Variants in GLRA2 observed in about 807,000 individuals in gnomAD.
The protein encoded by GLRA2 is glycine receptor alpha 2, also known as glycine receptor subunit alpha-2.
In GLRA2, 11 loss-of-function variants were observed where a neutral mutation model predicts 31.6. That is an observed-to-expected ratio of 0.35 (90% CI 0.22 to 0.58). The LOEUF is 0.58. GLRA2 is among the 20% of genes least tolerant of loss of function. GLRA2 has a pLI of 0.84. For synonymous variants in GLRA2, 132 were observed against 134.0 expected (o/e 0.99, Z 0.10); for missense variants, 212 against 351.8 (o/e 0.60, Z 3.18).
intron 2 of GLRA2, among the ~76,000 whole-genome samples, chrX:14,560,170 T>TA (rs1479431523): frequency 8.9e-6 from 1 of 112,709 alleles, no homozygotes; most frequent in Non-Finnish European, 1.9e-5. Flanking sequence ...AAAGGAAATT[T>TA]AATTTCTGTA....
At chrX:14,679,634 C>T (rs964940716) in intron 7 of GLRA2, among the ~76,000 whole-genome samples, 1 of 110,659 alleles carries the variant, frequency 9.0e-6, no homozygotes. Flanking sequence ...GCTCATTATT[C>T]GCAAGACCAC....
At chrX:14,579,230 C>T (rs912869681) in intron 3 of GLRA2, among the ~76,000 whole-genome samples, 1 of 111,884 alleles carries the variant, frequency 8.9e-6, no homozygotes, top group Non-Finnish European at 1.9e-5. Flanking sequence ...TCTATAGCTG[C>T]GTAAACAAGT....
chrX:14,507,101 C>A, the GLRA2 span, among the ~76,000 whole-genome samples: 1 of 111,853 alleles, frequency 8.9e-6, no homozygotes, highest in African/African-American at 3.2e-5. Flanking sequence ...TGACTCATGC[C>A]CAACTAGATT....
At chrX:14,532,027 C>T (rs972399663) in intron 1 of GLRA2, among the ~76,000 whole-genome samples, 4 of 111,609 alleles carry the variant, frequency 3.6e-5, no homozygotes, top group Non-Finnish European at 5.7e-5. Flanking sequence ...ACCTGGGTGA[C>T]GCGACTCAGG....
the GLRA2 span, among the ~76,000 whole-genome samples, chrX:14,507,363 T>C: frequency 8.9e-6 from 1 of 112,025 alleles, no homozygotes; most frequent in Non-Finnish European, 1.9e-5. Context: ...TGGGAAAGAT[T>C]TGCCACATAA....
At chrX:14,471,035 A>G in the GLRA2 span, among the ~76,000 whole-genome samples, 1 of 111,754 alleles carries the variant, frequency 8.9e-6, no homozygotes, top group Admixed American at 9.5e-5. Flanking sequence ...AATTAGTGGT[A>G]GTAATAGTTC....
intron 7 of GLRA2, 129 bp from the exon 8 acceptor site, chrX:14,690,581 T>A (rs940587536): frequency 2.1e-6 from 1 of 466,916 alleles, no homozygotes; most frequent in African/African-American, 2.4e-5. Context: ...TGGAAAATCA[T>A]TGACCAAGGA....
At chrX:14,717,428 A>G (rs906308290) in intron 8 of GLRA2, among the ~76,000 whole-genome samples, 2 of 110,380 alleles carry the variant, frequency 1.8e-5, no homozygotes, top group Non-Finnish European at 3.8e-5. Flanking sequence ...TTTACCTCTC[A>G]TTGATCATTT....
chrX:14,494,363 CAA>C, the GLRA2 span, among the ~76,000 whole-genome samples: 1 of 111,942 alleles, frequency 8.9e-6, no homozygotes, highest in African/African-American at 3.2e-5. Flanking sequence ...ATTTTTCTAA[CAA>C]GAGTTTCCAC....
At chrX:14,457,930 T>A in the GLRA2 span, among the ~76,000 whole-genome samples, 46 of 110,705 alleles carry the variant, frequency 4.2e-4, no homozygotes, top group African/African-American at 1.5e-3. Context: ...GTGTACAGGT[T>A]TGTTACACAT....
chrX:14,466,247 A>G, the GLRA2 span, among the ~76,000 whole-genome samples: 1 of 110,924 alleles, frequency 9.0e-6, no homozygotes, highest in African/African-American at 3.3e-5. Context: ...TAATAATGGC[A>G]CAATCAGCAT....
chrX:14,548,867 T>C lies in GLRA2; in HGVS notation c.202+16495T>C, dbSNP rs1348378522. Among the ~76,000 whole-genome samples the C allele has an allele frequency of 2.7e-5, 3 of 111,693 alleles. No individual in the cohort carries two copies. The East Asian group carries it at 8.5e-4, about 31-fold the overall frequency. ...ATGGCCCATACTTCCTTCCAACCAGTGAGTCTGTGGTTGGGCATCTTCTGA... is the reference window on the plus strand; with the variant it reads ...ATGGCCCATACTTCCTTCCAACCAGCGAGTCTGTGGTTGGGCATCTTCTGA... On this transcript the variant is annotated intron_variant, in intron 2 of 8. Transcript: ENST00000218075.
intron 8 of GLRA2, among the ~76,000 whole-genome samples, chrX:14,711,948 C>T (rs1279029481): frequency 1.8e-5 from 2 of 112,614 alleles, no homozygotes; most frequent in East Asian, 5.6e-4. Context: ...AGTTTCTGTC[C>T]TTTGTAACAA....
chrX:14,581,489 T>A, intron 4 of GLRA2, 83 bp downstream of exon 4: 1 of 551,086 alleles, frequency 1.8e-6, no homozygotes, highest in Non-Finnish European at 3.1e-6. Flanking sequence ...GTAGGATGTA[T>A]ATGAATATTT....
chrX:14,483,914 A>G, the GLRA2 span, among the ~76,000 whole-genome samples: 1 of 110,734 alleles, frequency 9.0e-6, no homozygotes, highest in Non-Finnish European at 1.9e-5. Context: ...AAAATGTGAA[A>G]AGAGAGACTG....
chrX:14,594,572 T>C (rs2090180139), intron 4 of GLRA2, among the ~76,000 whole-genome samples: 1 of 111,883 alleles, frequency 8.9e-6, no homozygotes, highest in Admixed American at 9.5e-5. Flanking sequence ...TTATCCCTCT[T>C]CTATTCAACA....
At chrX:14,652,153 G>A (rs2090896223) in intron 7 of GLRA2, among the ~76,000 whole-genome samples, 2 of 111,825 alleles carry the variant, frequency 1.8e-5, no homozygotes, top group African/African-American at 6.5e-5. Flanking sequence ...TAACACACAA[G>A]CTATGGTGTT....
the GLRA2 span, among the ~76,000 whole-genome samples, chrX:14,469,443 C>G: frequency 9.2e-6 from 1 of 108,563 alleles, no homozygotes; most frequent in Non-Finnish European, 1.9e-5. Flanking sequence ...TTGGAACCAA[C>G]CCAAATGTCC....
At chrX:14,494,548 G>A in the GLRA2 span, among the ~76,000 whole-genome samples, 1 of 111,134 alleles carries the variant, frequency 9.0e-6, no homozygotes. Flanking sequence ...TATTTAAAGT[G>A]TTGGTGATCT....
Sources: allele counts gnomAD v4.1 joint callset (sites outside exome capture counted in the v4.1 genomes callset), GRCh38; gene constraint gnomAD v4.1.1; transcripts MANE v1.5; gene names NCBI Gene and HGNC (gene_info 2026-07-23, HGNC 2026-07-21).